Variants in XKR4 observed in about 807,000 individuals in gnomAD.
XKR4 encodes the protein XK-related protein 4.
Under a neutral mutation model 53.9 loss-of-function variants are expected in XKR4, and 12 were observed. That is an observed-to-expected ratio of 0.22 (90% CI 0.14 to 0.36). XKR4 has a LOEUF of 0.36. Ranked by LOEUF, XKR4 falls within the 10% of genes least tolerant of loss-of-function variation. The pLI, the probability that XKR4 is intolerant of heterozygous loss-of-function variation, is 1.00. For missense variants in XKR4, 799 were observed against 859.5 expected, an observed-to-expected ratio of 0.93 and a Z score of 0.88; for synonymous variants, 354 against 362.4, an observed-to-expected ratio of 0.98 and a Z score of 0.26.
chr8:55,341,988 G>C (rs551194683), intron 1 of XKR4, among the ~76,000 whole-genome samples: 22 of 152,040 alleles, frequency 1.4e-4, no homozygotes, highest in African/African-American at 5.3e-4. Context: ...TAATCCCTTA[G>C]ACTGGACCTG....
intron 1 of XKR4, among the ~76,000 whole-genome samples, chr8:55,195,828 C>T (rs1410730074): frequency 6.6e-6 from 1 of 152,158 alleles, no homozygotes; most frequent in Non-Finnish European, 1.5e-5. Flanking sequence ...ACAAGGCTGC[C>T]CATCAAAGCA....
At chr8:55,484,509 A>T (rs576927325) in intron 2 of XKR4, among the ~76,000 whole-genome samples, 4 of 152,362 alleles carry the variant, frequency 2.6e-5, no homozygotes, top group African/African-American at 9.6e-5. Flanking sequence ...ATACAGTCTG[A>T]TTCAATATTT....
In XKR4 at chr8:55,357,665, G is replaced by C. The variant is rs1459923297; in HGVS notation, c.807-13G>C. On this transcript the variant is annotated splice_polypyrimidine_tract_variant and intron_variant, in intron 1 of 2. Transcript: ENST00000327381. ...CACTCATCTCTTTCTTATTCTCCAT[G>C]TTTTCTTTCTAGATATTTCCACACA... The C allele has an allele frequency of 3.1e-6, 5 of 1,613,586 alleles. No individual in the cohort carries two copies. In the African/African-American group the frequency reaches 6.7e-5, roughly 22 times the overall value.
chr8:55,108,873 T>C (rs980824502), intron 1 of XKR4, among the ~76,000 whole-genome samples: 2 of 152,140 alleles, frequency 1.3e-5, no homozygotes, highest in African/African-American at 2.4e-5. Flanking sequence ...TTTTCCTCCT[T>C]GGGTCATATA....
At chr8:55,223,719 T>G (rs1342359111) in intron 1 of XKR4, among the ~76,000 whole-genome samples, 1 of 152,144 alleles carries the variant, frequency 6.6e-6, no homozygotes, top group African/African-American at 2.4e-5. Context: ...ATAAAAGAAA[T>G]AAAAATGTTT....
chr8:55,304,180 G>A (rs577761785), intron 1 of XKR4, among the ~76,000 whole-genome samples: 48 of 152,300 alleles, frequency 3.2e-4, no homozygotes, highest in South Asian at 1.0e-3. Flanking sequence ...ATGTGTCCCA[G>A]AGATTCTGGT....
chr8:55,352,478 C>T (rs1298190773), intron 1 of XKR4, among the ~76,000 whole-genome samples: 3 of 152,172 alleles, frequency 2.0e-5, no homozygotes, highest in African/African-American at 7.2e-5. Flanking sequence ...GTCTTCTAGG[C>T]AGTGGGGAGT....
At chr8:55,231,936 C>T (rs1296265106) in intron 1 of XKR4, among the ~76,000 whole-genome samples, 3 of 152,142 alleles carry the variant, frequency 2.0e-5, no homozygotes, top group African/African-American at 7.2e-5. Context: ...GTGCACATTT[C>T]CCACCTGAGG....
intron 1 of XKR4, among the ~76,000 whole-genome samples, chr8:55,286,101 A>G (rs547907137): frequency 9.6e-4 from 146 of 152,354 alleles, no homozygotes; most frequent in Non-Finnish European, 1.7e-3. Flanking sequence ...GCCAAGTAAA[A>G]GAAAGAATTC....
intron 1 of XKR4, among the ~76,000 whole-genome samples, chr8:55,202,570 C>T (rs1251804672): frequency 6.6e-6 from 1 of 152,176 alleles, no homozygotes; most frequent in East Asian, 1.9e-4. Context: ...AAAGTTTTGT[C>T]ATCGTGGCTC....
intron 1 of XKR4, among the ~76,000 whole-genome samples, chr8:55,119,378 C>T (rs917409954): frequency 6.6e-6 from 1 of 151,720 alleles, no homozygotes; most frequent in African/African-American, 2.4e-5. Flanking sequence ...GAAGGTTTCA[C>T]AGAGGTAGGA....
intron 2 of XKR4, among the ~76,000 whole-genome samples, chr8:55,399,032 A>C (rs1741957054): frequency 6.6e-6 from 1 of 152,222 alleles, no homozygotes; most frequent in South Asian, 2.1e-4. Context: ...ACACCACAGC[A>C]CTGTATTTCT....
chr8:55,163,465 T>C (rs1033730000), intron 1 of XKR4, among the ~76,000 whole-genome samples: 10 of 152,214 alleles, frequency 6.6e-5, no homozygotes, highest in East Asian at 3.8e-4. Flanking sequence ...GACTTCTAAA[T>C]ATTCCCAGTT....
intron 2 of XKR4, among the ~76,000 whole-genome samples, chr8:55,505,732 T>C (rs762807413): frequency 2.6e-5 from 4 of 152,238 alleles, no homozygotes; most frequent in Non-Finnish European, 4.4e-5. Context: ...TGTGGCCTAA[T>C]GTATGGTCTA....
At chr8:55,388,009 A>G (rs1381926869) in intron 2 of XKR4, among the ~76,000 whole-genome samples, 2 of 152,210 alleles carry the variant, frequency 1.3e-5, no homozygotes, top group Non-Finnish European at 2.9e-5. Context: ...TGGTGTTGTA[A>G]GTTAGGACAA....
intron 1 of XKR4, among the ~76,000 whole-genome samples, chr8:55,333,492 C>T (rs1803408676): frequency 6.6e-6 from 1 of 152,146 alleles, no homozygotes; most frequent in Non-Finnish European, 1.5e-5. Context: ...ATATACATGG[C>T]TGCTTTTAAA....
At chr8:55,368,653 A>G (rs1190076832) in intron 2 of XKR4, among the ~76,000 whole-genome samples, 15 of 152,050 alleles carry the variant, frequency 9.9e-5, no homozygotes, top group Admixed American at 6.6e-5. Flanking sequence ...AATTCTATTC[A>G]TCCCTATGTT....
chr8:55,302,488 T>C (rs1202390200), intron 1 of XKR4, among the ~76,000 whole-genome samples: 1 of 152,234 alleles, frequency 6.6e-6, no homozygotes, highest in East Asian at 1.9e-4. Flanking sequence ...GGCTCTTTTT[T>C]GATTCCATAT....
At chr8:55,358,097 T>C (rs999556849) in intron 2 of XKR4, among the ~76,000 whole-genome samples, 1 of 152,140 alleles carries the variant, frequency 6.6e-6, no homozygotes, top group Non-Finnish European at 1.5e-5. Context: ...GCTGTCCTCT[T>C]AGTAGGAAAA....
Sources: gnomAD v4.1 joint callset for allele counts (sites outside exome capture counted in the v4.1 genomes callset) on GRCh38, gnomAD v4.1.1 for gene constraint, MANE v1.5 for transcripts, NCBI Gene and HGNC (gene_info 2026-07-23, HGNC 2026-07-21) for gene names.